The following DHX36 variants were observed in gnomAD, a reference collection of about 807,000 sequenced individuals.
DHX36 encodes ATP-dependent DNA/RNA helicase DHX36.
In DHX36, 50 loss-of-function variants were observed where a neutral mutation model predicts 139.0. The observed-to-expected ratio is 0.36, with a 90% CI of 0.29 to 0.46. The LOEUF is 0.46. DHX36 is among the 20% of genes least tolerant of loss of function. The pLI, the probability that DHX36 is intolerant of heterozygous loss-of-function variation, is 1.00. For synonymous variants in DHX36, 425 were observed against 401.9 expected (o/e 1.06, Z -0.69); for missense variants, 1,024 against 1,211.3 (o/e 0.85, Z 2.29).
At chr3:154,299,992 G>T in intron 11 of DHX36, 67 bp from the exon 12 acceptor site, 1 of 1,058,696 alleles carries the variant, frequency 9.4e-7, no homozygotes, top group Non-Finnish European at 1.5e-6. Context: ...GTAAAATTGT[G>T]TGCACACTGA....
chr3:154,281,753 TCTTAGA>T (rs1303109677), intron 20 of DHX36, among the ~76,000 whole-genome samples: 1 of 152,166 alleles, frequency 6.6e-6, no homozygotes, highest in Non-Finnish European at 1.5e-5. Flanking sequence ...CACCTGACTT[TCTTAGA>T]CACCTCCTGG....
intron 9 of DHX36, among the ~76,000 whole-genome samples, chr3:154,301,481 C>T (rs1004283346): frequency 2.0e-5 from 3 of 152,142 alleles, no homozygotes; most frequent in South Asian, 2.1e-4. Context: ...AGAATTGAAT[C>T]CCTCAGAGAG....
Position 154,284,580 on chromosome 3 carries a change from T to G in DHX36, c.2292+3A>C. The G allele has an allele frequency of 6.3e-7, 1 of 1,590,306 alleles. No homozygotes were observed. The highest frequency in any genetic ancestry group is 8.5e-7 in the Non-Finnish European group (1 of 1,172,296). ...AATCCAGGACAAAATTTTTTTTTTT[T>G]ACCTCAAACGCATTCACAACTGTTA... On this transcript the variant is annotated splice_donor_region_variant and intron_variant, in intron 19 of 24. Coordinates refer to ENST00000496811, the MANE Select transcript of DHX36 (RefSeq NM_020865.3).
At position 154,288,937 on chromosome 3, in the gene DHX36, A is replaced by G; in HGVS notation, c.1960T>C (p.Phe654Leu). Reference sequence around the variant, plus strand: ...GGTGGGTCCATTAATCTACTCAGAAAATAAGCAATTCCACCTAGCCTTAAA... The same window carrying G: ...GGTGGGTCCATTAATCTACTCAGAAGATAAGCAATTCCACCTAGCCTTAAA... ...KILRLGGIAY[F>L]LSRLMDPPSN... is the part of the protein sequence containing the mutation. Residue 654 changes from phenylalanine (F) to leucine (L), a missense_variant, in exon 17 of 25, where the codon TTT (phenylalanine) becomes CTT (leucine). This residue lies in a region of DHX36 where 470 missense variants were observed against 616.2 expected (regional missense o/e 0.76). Transcript: ENST00000496811. 6.3e-7 allele frequency: 1 copy of G among 1,580,934 alleles called. No individual in the cohort carries two copies. Among genetic ancestry groups the G allele is most frequent in the South Asian group, 1.2e-5 (1 of 83,830 alleles).
chr3:154,318,011 T>C (rs563598244), intron 1 of DHX36, among the ~76,000 whole-genome samples: 1 of 152,160 alleles, frequency 6.6e-6, no homozygotes, highest in Admixed American at 6.5e-5. Flanking sequence ...AACATAAAGT[T>C]TGAAAACCCA....
chr3:154,294,669 C>G (rs1711960688), intron 13 of DHX36, among the ~76,000 whole-genome samples: 1 of 152,070 alleles, frequency 6.6e-6, no homozygotes, highest in Admixed American at 6.6e-5. Context: ...AGAAAAGTAT[C>G]TTGATATTTT....
rs114792616 is a variant in DHX36, at chr3:154,307,950, A to C, written c.814-1655T>G. Among the ~76,000 whole-genome samples the C allele has an allele frequency of 4.5e-3, 690 of 152,302 alleles. 4 individuals carry two copies. Among genetic ancestry groups the C allele is most frequent in the African/African-American group, 0.016 (654 of 41,558 alleles). On this transcript the variant is annotated intron_variant, in intron 5 of 24. Coordinates refer to ENST00000496811, the MANE Select transcript of DHX36 (RefSeq NM_020865.3). ...CAATGGAATACTATTTAGCTGTAAG[A>C]GTGAAATCATGTCGAAATAGACACA... is the stretch of plus-strand genomic sequence containing the variant.
chr3:154,294,473 T>C (rs1013197534), intron 13 of DHX36, among the ~76,000 whole-genome samples: 16 of 152,136 alleles, frequency 1.1e-4, no homozygotes, highest in Admixed American at 5.9e-4. Flanking sequence ...ATTCACATAC[T>C]CTCCAGCAAA....
In DHX36 at chr3:154,324,439, T is replaced by C. The variant is rs958834980; in HGVS notation, c.-23A>G. On this transcript the variant is annotated 5_prime_UTR_variant, in exon 1 of 25. Coordinates refer to ENST00000496811, the MANE Select transcript of DHX36 (RefSeq NM_020865.3). ...CATTGTCCTGGCAGACTACAACCCG[T>C]CAGAACCAGCAACCGCTGGAAATGG... The C allele has an allele frequency of 6.9e-7, 1 of 1,459,786 alleles. No individual in the cohort carries two copies. Among genetic ancestry groups the C allele is most frequent in the African/African-American group, 1.4e-5 (1 of 70,364 alleles). The allele number at this position is 1,459,786 out of a possible 1,614,324, so 90.4% of individuals were successfully genotyped here. A position where few individuals can be genotyped will look rare whatever the true frequency, so the allele number is the denominator to read the frequency against.
intron 13 of DHX36, among the ~76,000 whole-genome samples, chr3:154,294,325 A>C (rs1472370917): frequency 6.6e-6 from 1 of 152,170 alleles, no homozygotes; most frequent in African/African-American, 2.4e-5. Context: ...ATACTGCCCC[A>C]CAACCCGACA....
At chr3:154,288,999 TA>T in intron 16 of DHX36, 35 bp from the exon 17 acceptor site, 1 of 1,053,876 alleles carries the variant, frequency 9.5e-7, no homozygotes, top group South Asian at 1.9e-5. Flanking sequence ...TAAATACATA[TA>T]ATATTAATAT....
At chr3:154,288,494 G>C (rs1479355023) in intron 17 of DHX36, among the ~76,000 whole-genome samples, 1 of 152,046 alleles carries the variant, frequency 6.6e-6, no homozygotes. Context: ...TCTTCTTGAT[G>C]TAAGTAATTA....
intron 1 of DHX36, among the ~76,000 whole-genome samples, chr3:154,317,586 GAAGA>G (rs1001082819): frequency 6.6e-6 from 1 of 152,022 alleles, no homozygotes; most frequent in African/African-American, 2.4e-5. Context: ...CCTATGAAGT[GAAGA>G]AAGGTGTTAA....
chr3:154,290,175 G>C (rs1217016761), intron 15 of DHX36, among the ~76,000 whole-genome samples: 3 of 152,070 alleles, frequency 2.0e-5, no homozygotes, highest in Admixed American at 6.6e-5. Context: ...TATGCCTTGT[G>C]ATCAATCTTA....
intron 1 of DHX36, among the ~76,000 whole-genome samples, chr3:154,321,235 T>G (rs984703532): frequency 6.6e-6 from 1 of 152,216 alleles, no homozygotes; most frequent in Admixed American, 6.5e-5. Flanking sequence ...AAGTTTGAAA[T>G]TGACTGCCCT....
chr3:154,298,756 A>G (rs926326951), intron 12 of DHX36, among the ~76,000 whole-genome samples: 1 of 151,788 alleles, frequency 6.6e-6, no homozygotes, highest in Admixed American at 6.6e-5. Context: ...TCTACTAAAA[A>G]TACAAAAAAT....
intron 12 of DHX36, among the ~76,000 whole-genome samples, chr3:154,299,371 T>C (rs987728688): frequency 3.6e-5 from 5 of 138,188 alleles, no homozygotes; most frequent in African/African-American, 1.2e-4. Context: ...CTCTAAATTT[T>C]ATAGAAAAAA....
rs1576877333 is a variant in DHX36 at position 154,309,531 on chromosome 3, T to G, written c.813+122A>C. On this transcript the variant is annotated intron_variant, in intron 5 of 24. Coordinates refer to ENST00000496811, the MANE Select transcript of DHX36 (RefSeq NM_020865.3). ...TATTATTAAACATGTTAAGCAACTA[T>G]TTGCTTTCATAGTCACCAATCCTAA... is the stretch of plus-strand genomic sequence containing the variant. The G allele has an allele frequency of 6.6e-6, 5 of 756,244 alleles. No homozygotes were observed. In the East Asian group the frequency reaches 1.6e-4, roughly 24 times the overall value. The allele number at this position is 756,244 out of a possible 1,614,324, so 46.8% of individuals were successfully genotyped here. A position where few individuals can be genotyped will look rare whatever the true frequency, so the allele number is the denominator to read the frequency against.
intron 17 of DHX36, among the ~76,000 whole-genome samples, chr3:154,285,952 C>G (rs1017914445): frequency 2.0e-5 from 3 of 151,240 alleles, no homozygotes; most frequent in South Asian, 2.1e-4. Flanking sequence ...AATCACAAAA[C>G]AAAATAATGG....
Sources: gnomAD v4.1 joint callset for allele counts (sites outside exome capture counted in the v4.1 genomes callset) on GRCh38, gnomAD v4.1.1 for gene constraint, gnomAD v4.1.1 regional missense constraint, MANE v1.5 for transcripts, NCBI Gene and HGNC (gene_info 2026-07-23, HGNC 2026-07-21) for gene names.